The following RAPGEF6 variants were observed in gnomAD, a reference collection of about 807,000 sequenced individuals.
RAPGEF6 encodes the protein Rap guanine nucleotide exchange factor 6, also known as PDZ domain containing guanine nucleotide exchange factor (GEF) 2.
Under a neutral mutation model 171.4 loss-of-function variants are expected in RAPGEF6, and 56 were observed. The ratio of observed to expected loss-of-function variants is 0.33; its 90% CI spans 0.26 to 0.41. The LOEUF is 0.41. Among genes scored for constraint, RAPGEF6 ranks in the 10% least tolerant of loss-of-function variants. The pLI, the probability that RAPGEF6 is intolerant of heterozygous loss-of-function variation, is 1.00. For missense variants in RAPGEF6, 1,674 were observed against 1,921.4 expected (o/e 0.87, Z 2.41); for synonymous variants, 692 against 650.1 (o/e 1.06, Z -0.98).
intron 1 of RAPGEF6, among the ~76,000 whole-genome samples, chr5:131,634,734 A>G (rs768739076): frequency 1.7e-4 from 26 of 152,208 alleles, no homozygotes; most frequent in Non-Finnish European, 3.5e-4. Context: ...GACACTCAGA[A>G]GCCCCCGGCA....
At chr5:131,505,222 C>CA in intron 10 of RAPGEF6, 142 bp downstream of exon 10, 1 of 785,940 alleles carries the variant, frequency 1.3e-6, no homozygotes, top group Non-Finnish European at 2.0e-6. Flanking sequence ...GAGGCAGATA[C>CA]AAAATCTACT....
chr5:131,611,707 GT>G (rs1764944033), intron 1 of RAPGEF6, among the ~76,000 whole-genome samples: 1 of 152,094 alleles, frequency 6.6e-6, no homozygotes, highest in South Asian at 2.1e-4. Context: ...AGGCTTTTTG[GT>G]TTATTGCTGG....
chr5:131,471,548 A>G lies in RAPGEF6; in HGVS notation c.2239+1039T>C, dbSNP rs557890572. 7.9e-5 allele frequency among the ~76,000 whole-genome samples: 12 copies of G among 152,240 alleles called. No homozygotes were observed. In the South Asian group the frequency reaches 2.5e-3, roughly 32 times the overall value. ...GAACTATGCTTATCTTTGTAGAAGC[A>G]TTTTTTCTCCCACCTTTCCTTGGAC... On this transcript the variant is annotated intron_variant, in intron 17 of 27. Coordinates refer to ENST00000509018, the MANE Select transcript of RAPGEF6 (RefSeq NM_016340.6).
chr5:131,510,297 A>T lies in RAPGEF6; in HGVS notation c.805+17T>A. On this transcript the variant is annotated intron_variant, in intron 8 of 27. Transcript: ENST00000509018. The stretch of plus-strand genomic sequence containing the variant: ...ATTAAGTTACAAATTCTTATTGTGA[A>T]CACATATATTTCTTACCAATGTCAT... 2 of 1,595,326 alleles carry T rather than the reference A, an allele frequency of 1.3e-6. No individual in the cohort carries two copies. Among genetic ancestry groups the T allele is most frequent in the Non-Finnish European group, 1.7e-6 (2 of 1,171,796 alleles).
chr5:131,613,670 T>C (rs1368546169), intron 1 of RAPGEF6, among the ~76,000 whole-genome samples: 1 of 152,124 alleles, frequency 6.6e-6, no homozygotes, highest in Non-Finnish European at 1.5e-5. Context: ...CATATTTTGT[T>C]AGCTCCTGAA....
chr5:131,433,361 T>C, intron 25 of RAPGEF6, 69 bp downstream of exon 25: 1 of 1,386,946 alleles, frequency 7.2e-7, no homozygotes, highest in Non-Finnish European at 1.0e-6. Context: ...AAGGTCAAGG[T>C]GGGGAGCACT....
chr5:131,537,644 G>A (rs1759855534), intron 6 of RAPGEF6, among the ~76,000 whole-genome samples: 2 of 151,868 alleles, frequency 1.3e-5, no homozygotes, highest in South Asian at 2.1e-4. Flanking sequence ...ACAAACACAA[G>A]GATACATAAC....
intron 1 of RAPGEF6, among the ~76,000 whole-genome samples, chr5:131,633,954 G>A (rs1766472725): frequency 6.6e-6 from 1 of 152,168 alleles, no homozygotes; most frequent in African/African-American, 2.4e-5. Context: ...GGTAGAATTT[G>A]TGTTGTTCCT....
chr5:131,473,243 T>A (rs1754873793), intron 16 of RAPGEF6, among the ~76,000 whole-genome samples: 1 of 152,140 alleles, frequency 6.6e-6, no homozygotes, highest in East Asian at 1.9e-4. Context: ...AGTGACAAAG[T>A]AAGAGTGGTC....
intron 1 of RAPGEF6, among the ~76,000 whole-genome samples, chr5:131,619,364 A>C (rs1463071490): frequency 6.6e-6 from 1 of 152,120 alleles, no homozygotes; most frequent in African/African-American, 2.4e-5. Flanking sequence ...ATAATACCTA[A>C]TGTAGATGAC....
chr5:131,625,719 G>C (rs1380226228), intron 1 of RAPGEF6, among the ~76,000 whole-genome samples: 2 of 151,010 alleles, frequency 1.3e-5, no homozygotes, highest in Non-Finnish European at 2.9e-5. Flanking sequence ...GGGAGGCTGA[G>C]ACAAGAGAAT....
intron 15 of RAPGEF6, among the ~76,000 whole-genome samples, chr5:131,483,397 A>T (rs554990375): frequency 6.6e-6 from 1 of 152,018 alleles, no homozygotes; most frequent in East Asian, 1.9e-4. Context: ...ATGAGTATGT[A>T]ATTATAAGCA....
intron 4 of RAPGEF6, among the ~76,000 whole-genome samples, chr5:131,566,456 T>C (rs539830394): frequency 6.6e-6 from 1 of 152,318 alleles, no homozygotes; most frequent in South Asian, 2.1e-4. Flanking sequence ...TAAAATACTT[T>C]AAATATAAAC....
intron 1 of RAPGEF6, among the ~76,000 whole-genome samples, chr5:131,620,185 T>G (rs1306285916): frequency 6.6e-6 from 1 of 152,220 alleles, no homozygotes; most frequent in African/African-American, 2.4e-5. Flanking sequence ...TATAAATGTT[T>G]ATAAAGTTTA....
intron 4 of RAPGEF6, among the ~76,000 whole-genome samples, chr5:131,573,296 T>C (rs918594732): frequency 6.6e-6 from 1 of 152,142 alleles, no homozygotes; most frequent in Non-Finnish European, 1.5e-5. Flanking sequence ...CAATTTCCTC[T>C]TACAGAGGTG....
In RAPGEF6 at chr5:131,430,986, G is replaced by C. The variant is rs1561457769; in HGVS notation, c.4338C>G (p.Asn1446Lys). 2.5e-6 allele frequency: 4 copies of C among 1,614,178 alleles called. No homozygotes were observed. Among genetic ancestry groups the C allele is most frequent in the Non-Finnish European group, 2.5e-6 (3 of 1,180,030 alleles). Reference protein sequence around the residue: ...SSSLSDTYEPNYGTVKQRVLE... With the variant: ...SSSLSDTYEPKYGTVKQRVLE... ...ATACTCTCTGTTTAACTGTCCCATAGTTTGGTTCATACGTGTCAGACAGAG... is the reference window on the plus strand; with the variant it reads ...ATACTCTCTGTTTAACTGTCCCATACTTTGGTTCATACGTGTCAGACAGAG... Residue 1446 changes from asparagine to lysine, a missense_variant, in exon 26 of 28, where the codon AAC (asparagine) becomes AAG (lysine). Asn to Lys is a moderately conservative substitution (Grantham distance 94). This residue lies in a region of RAPGEF6 where 552 missense variants were observed against 574.2 expected (regional missense o/e 0.96). Transcript: ENST00000509018.
At chr5:131,458,798 C>T (rs1321139062) in intron 19 of RAPGEF6, among the ~76,000 whole-genome samples, 1 of 152,080 alleles carries the variant, frequency 6.6e-6, no homozygotes, top group Non-Finnish European at 1.5e-5. Context: ...GGATTACAAG[C>T]ATGTGCCACC....
At chr5:131,587,952 A>G (rs1763355154) in intron 4 of RAPGEF6, among the ~76,000 whole-genome samples, 1 of 151,726 alleles carries the variant, frequency 6.6e-6, no homozygotes, top group South Asian at 2.1e-4. Context: ...TAGGTCCACA[A>G]GGTATTTCCT....
intron 6 of RAPGEF6, among the ~76,000 whole-genome samples, chr5:131,547,240 G>GA (rs1210442168): frequency 2.0e-5 from 3 of 152,082 alleles, no homozygotes; most frequent in African/African-American, 7.2e-5. Context: ...TATGACAACT[G>GA]AAAAAACTAA....
Sources: gnomAD v4.1 joint callset for allele counts (sites outside exome capture counted in the v4.1 genomes callset) on GRCh38, gnomAD v4.1.1 for gene constraint, gnomAD v4.1.1 regional missense constraint, MANE v1.5 for transcripts, NCBI Gene and HGNC (gene_info 2026-07-23, HGNC 2026-07-21) for gene names.